The following RABGGTA variants were observed in gnomAD, a reference collection of about 807,000 sequenced individuals.
The protein encoded by RABGGTA is geranylgeranyl transferase type-2 subunit alpha.
Under a neutral mutation model 83.3 loss-of-function variants are expected in RABGGTA, and 69 were observed. That is an observed-to-expected ratio of 0.83 (90% confidence interval 0.68 to 1.01). The LOEUF is 1.01. Ranked by LOEUF, RABGGTA falls within the 50% of genes least tolerant of loss-of-function variation. The pLI is 0.00. For missense variants in RABGGTA, 681 were observed against 712.7 expected, an observed-to-expected ratio of 0.96 and a Z score of 0.51; for synonymous variants, 310 against 299.8, an observed-to-expected ratio of 1.03 and a Z score of -0.35.
chr14:24,268,784 AATC>A lies in RABGGTA; in HGVS notation c.838_840del (p.Asp280del). On this transcript the variant is annotated inframe_deletion, in exon 9 of 17. Transcript: ENST00000216840. ...GTCCTCCACTCCACAATCAGGGGAG[AATC>A]ATCAACCATGAGCAGCAAGATCTCC... The A allele has an allele frequency of 6.3e-7, 1 of 1,577,428 alleles. No individual in the cohort carries two copies. Among genetic ancestry groups the A allele is most frequent in the African/African-American group, 1.4e-5 (1 of 74,052 alleles).
In RABGGTA at chr14:24,269,582, G is replaced by A. The variant is rs1352477346; in HGVS notation, c.540C>T (p.Ser180=). 6.2e-7 allele frequency: 1 copy of A among 1,612,500 alleles called. No individual in the cohort carries two copies. Among genetic ancestry groups the A allele is most frequent in the African/African-American group, 1.3e-5 (1 of 75,018 alleles). The change falls in exon 6 of 17, where the codon TCC becomes TCT. Residue 180 remains serine, a synonymous_variant. Coordinates refer to ENST00000216840, the MANE Select transcript of RABGGTA (RefSeq NM_182836.3). ...LITRNFSNYS[S]WHYRSCLLPQ... Reference sequence around the variant, plus strand: ...GCAAGAGACAGGAGCGGTAATGCCAGGAAGAGTAGTTGGAGAAGTTTCGGG... The same window carrying A: ...GCAAGAGACAGGAGCGGTAATGCCAAGAAGAGTAGTTGGAGAAGTTTCGGG...
chr14:24,270,413 G>C lies in RABGGTA; in HGVS notation c.160C>G (p.Gln54Glu), dbSNP rs775551430. 1 of 1,614,024 alleles carries C rather than the reference G, an allele frequency of 6.2e-7. No individual in the cohort carries two copies. The highest frequency in any genetic ancestry group is 8.5e-7 in the Non-Finnish European group (1 of 1,179,894). The change falls in exon 4 of 17, where the codon CAG becomes GAG. Residue 54 changes from glutamine to glutamate, a missense_variant. Physicochemically the swap from Gln to Glu is conservative, Grantham distance 29 (BLOSUM62 2). Coordinates refer to ENST00000216840, the MANE Select transcript of RABGGTA (RefSeq NM_182836.3). ...AAATCAGGGTTGGCTCCCAGAATCTGGCTTGTCAGTTCCAGCACGGACTCA... is the reference window on the plus strand; with the variant it reads ...AAATCAGGGTTGGCTCCCAGAATCTCGCTTGTCAGTTCCAGCACGGACTCA... ...LDESVLELTS[Q>E]ILGANPDFAT...
chr14:24,269,229 C>T lies in RABGGTA; in HGVS notation c.632-66G>A, dbSNP rs1247172232. The T allele has an allele frequency of 5.6e-6, 8 of 1,422,500 alleles. No homozygotes were observed. The Middle Eastern group carries it at 5.3e-4, about 94-fold the overall frequency. The allele number at this position is 1,422,500 out of a possible 1,614,324, so 88.1% of individuals were successfully genotyped here. ...TGGTGAGCTCCTGGCCACTCCAACA[C>T]CCTACCCTCTCCTTGGAGTACTTCC... On this transcript the variant is annotated intron_variant, in intron 6 of 16. Coordinates refer to ENST00000216840, the MANE Select transcript of RABGGTA (RefSeq NM_182836.3).
chr14:24,265,943 A>T (rs2040867983), intron 16 of RABGGTA, among the ~76,000 whole-genome samples, 180 bp from the exon 17 acceptor site: 3 of 152,136 alleles, frequency 2.0e-5, no homozygotes, highest in Admixed American at 2.0e-4. Flanking sequence ...GTCAGCCAGG[A>T]AAGAATGAGC....
intron 14 of RABGGTA, 63 bp from the exon 15 acceptor site, chr14:24,266,952 G>T (rs2040881673): frequency 1.6e-6 from 2 of 1,233,796 alleles, no homozygotes; most frequent in African/African-American, 1.5e-5. Context: ...AGGGTCCTCG[G>T]CCAGCATTTA....
At chr14:24,270,301 G>T in intron 4 of RABGGTA, 33 bp downstream of exon 4, 1 of 1,610,822 alleles carries the variant, frequency 6.2e-7, no homozygotes, top group Non-Finnish European at 8.5e-7. Context: ...GCAGGGCCAG[G>T]GCAGTCTTCT....
At chr14:24,267,588 G>T in intron 14 of RABGGTA, 72 bp downstream of exon 14, 1 of 1,260,380 alleles carries the variant, frequency 7.9e-7, no homozygotes, top group Non-Finnish European at 1.1e-6. Context: ...ACCTGAGACT[G>T]GGGGCAAAGT....
intron 3 of RABGGTA, 51 bp from the exon 4 acceptor site, chr14:24,270,509 G>C: frequency 6.2e-7 from 1 of 1,605,614 alleles, no homozygotes; most frequent in Non-Finnish European, 8.5e-7. Context: ...CCCACTACAG[G>C]ACTAAATAAC....
In RABGGTA at chr14:24,269,551, G is replaced by A. The variant is rs1050589; in HGVS notation, c.571C>T (p.Leu191=). Residue 191 remains leucine (L), a synonymous_variant, in exon 6 of 17, where the codon CTG becomes TTG. Coordinates refer to ENST00000216840, the MANE Select transcript of RABGGTA (RefSeq NM_182836.3). ...GGTCCAGAATCCGGCTGGGGGTGCAGCTGGGGCAAGAGACAGGAGCGGTAA... is the reference window on the plus strand; with the variant it reads ...GGTCCAGAATCCGGCTGGGGGTGCAACTGGGGCAAGAGACAGGAGCGGTAA... The part of the protein sequence containing the change: ...WHYRSCLLPQ[L]HPQPDSGPQG... 6.2e-7 allele frequency: 1 copy of A among 1,610,664 alleles called. No individual in the cohort carries two copies. The highest frequency in any genetic ancestry group is 2.2e-5 in the East Asian group (1 of 44,868).
chr14:24,265,560 C>G lies in RABGGTA; in HGVS notation c.*55G>C. The G allele has an allele frequency of 6.3e-7, 1 of 1,576,120 alleles. No individual in the cohort carries two copies. The highest frequency in any genetic ancestry group is 2.3e-5 in the East Asian group (1 of 44,230). The stretch of plus-strand genomic sequence containing the variant: ...AGCTTGGTAGCCTGAGAGGGCCTCT[C>G]CATTCTTTATTCAGTCCCAATAAGT... On this transcript the variant is annotated 3_prime_UTR_variant, in exon 17 of 17. Coordinates refer to ENST00000216840, the MANE Select transcript of RABGGTA (RefSeq NM_182836.3).
Position 24,267,783 on chromosome 14 carries a change from T to C in RABGGTA, c.1237-7A>G. ...CCCGCATGGGGTCCACGGCCTGGAG[T>C]GGATGAGGTGGGCAGGGTATGCATG... On this transcript the variant is annotated splice_polypyrimidine_tract_variant and splice_region_variant and intron_variant, in intron 13 of 16. Transcript: ENST00000216840. 1 of 1,612,118 alleles carries C rather than the reference T, an allele frequency of 6.2e-7. No individual in the cohort carries two copies. The highest frequency in any genetic ancestry group is 8.5e-7 in the Non-Finnish European group (1 of 1,179,568).
chr14:24,269,736 G>A (rs200606593), intron 5 of RABGGTA, 42 bp from the exon 6 acceptor site: 259 of 1,596,818 alleles, frequency 1.6e-4, no homozygotes, highest in Non-Finnish European at 2.2e-4. Flanking sequence ...GGCAGGGCAA[G>A]AGGAGCTACC....
At chr14:24,269,851 G>GAT in intron 5 of RABGGTA, 102 bp downstream of exon 5, 1 of 1,470,362 alleles carries the variant, frequency 6.8e-7, no homozygotes, top group Non-Finnish European at 9.2e-7. Flanking sequence ...CAGCTCAGTG[G>GAT]ACCCATCCTG....
chr14:24,267,746 C>T lies in RABGGTA; in HGVS notation c.1267G>A (p.Asp423Asn). The change falls in exon 14 of 17, where the codon GAT (aspartate) becomes AAT (asparagine). Residue 423 changes from aspartate to asparagine, a missense_variant. Coordinates refer to ENST00000216840, the MANE Select transcript of RABGGTA (RefSeq NM_182836.3). ...AVDPMRATYLDDLRSKFLLEN... is the reference protein window; with the variant it reads ...AVDPMRATYLNDLRSKFLLEN... ...AGCAAGAACTTGCTGCGCAGGTCATCCAGATACGTTGCCCGCATGGGGTCC... is the reference window on the plus strand; with the variant it reads ...AGCAAGAACTTGCTGCGCAGGTCATTCAGATACGTTGCCCGCATGGGGTCC... 1.2e-6 allele frequency: 2 copies of T among 1,612,290 alleles called. No individual in the cohort carries two copies. Among genetic ancestry groups the T allele is most frequent in the Non-Finnish European group, 1.7e-6 (2 of 1,179,836 alleles).
chr14:24,268,694 C>T lies in RABGGTA; in HGVS notation c.900+31G>A, dbSNP rs1159423385. On this transcript the variant is annotated intron_variant, in intron 9 of 16. Coordinates refer to ENST00000216840, the MANE Select transcript of RABGGTA (RefSeq NM_182836.3). ...TGTCCCACCCAGCCCTGCCCCAGAC[C>T]CCAACTTCTGCCCCACCAATCCTGG... is the stretch of plus-strand genomic sequence containing the variant. 6 of 1,607,726 alleles carry T rather than the reference C, an allele frequency of 3.7e-6. No individual in the cohort carries two copies. The African/African-American group carries it at 8.0e-5, about 21-fold the overall frequency.
In RABGGTA at chr14:24,266,894, G is replaced by C. The variant is rs537468993; in HGVS notation, c.1354-5C>G. On this transcript the variant is annotated splice_polypyrimidine_tract_variant and splice_region_variant and intron_variant, in intron 14 of 16. Coordinates refer to ENST00000216840, the MANE Select transcript of RABGGTA (RefSeq NM_182836.3). ...ATGGCAGAGCACTGTCAGATCCTGGGGGGTGAAGGGAGGAAGGAGGTGATG... is the reference window on the plus strand; with the variant it reads ...ATGGCAGAGCACTGTCAGATCCTGGCGGGTGAAGGGAGGAAGGAGGTGATG... 405 of 1,609,058 alleles carry C rather than the reference G, an allele frequency of 2.5e-4. No homozygotes were observed. The highest frequency in any genetic ancestry group is 3.2e-4 in the Non-Finnish European group (372 of 1,175,652).
chr14:24,266,782 G>A lies in RABGGTA; in HGVS notation c.1461C>T (p.Cys487=). The A allele has an allele frequency of 6.2e-7, 1 of 1,612,520 alleles. No homozygotes were observed. The highest frequency in any genetic ancestry group is 2.2e-5 in the East Asian group (1 of 44,850). The change falls in exon 15 of 17, where the codon TGC becomes TGT. Residue 487 remains cysteine, a synonymous_variant. Transcript: ENST00000216840. ...TLPPALAALR[C]LEVLQASDNA... The stretch of plus-strand genomic sequence containing the variant: ...GGAGACATGGGTACTTTACCTCAAG[G>A]CAGCGCAGGGCAGCCAGTGCAGGTG...
intron 16 of RABGGTA, 125 bp downstream of exon 16, chr14:24,266,305 C>A (rs1171606974): frequency 2.8e-5 from 24 of 853,584 alleles, no homozygotes; most frequent in Non-Finnish European, 4.6e-5. Flanking sequence ...CTTCAACTCA[C>A]ACTACAGAGC....
chr14:24,268,201 GAGGGTGGGC>G lies in RABGGTA; in HGVS notation c.1059-12_1059-4del. ...ACTTCTCCACTGACAGCTCACACCT[GAGGGTGGGC>G]AGGGTGGGGAGGAGTTGAGGCCCAC... is the stretch of plus-strand genomic sequence containing the variant. On this transcript the variant is annotated splice_region_variant and splice_polypyrimidine_tract_variant and intron_variant, in intron 11 of 16. Coordinates refer to ENST00000216840, the MANE Select transcript of RABGGTA (RefSeq NM_182836.3). The G allele has an allele frequency of 1.3e-6, 2 of 1,593,546 alleles. No individual in the cohort carries two copies. The highest frequency in any genetic ancestry group is 1.7e-6 in the Non-Finnish European group (2 of 1,161,916).
Sources: gnomAD v4.1 joint callset for allele counts (sites outside exome capture counted in the v4.1 genomes callset) on GRCh38, gnomAD v4.1.1 for gene constraint, MANE v1.5 for transcripts, NCBI Gene and HGNC (gene_info 2026-07-23, HGNC 2026-07-21) for gene names.